DTWD2: variants seen among roughly 807,000 people sequenced by gnomAD.
The protein encoded by DTWD2 is tRNA-uridine aminocarboxypropyltransferase 2.
A neutral mutation model predicts 31.8 loss-of-function variants in DTWD2; 39 were observed. The observed-to-expected ratio is 1.22, with a 90% confidence interval of 0.95 to 1.60. The LOEUF (loss-of-function observed/expected upper bound fraction) is 1.60. Among genes scored for constraint, DTWD2 ranks in the 40% most tolerant of loss-of-function variants. The pLI, the probability that DTWD2 is intolerant of heterozygous loss-of-function variation, is 0.00. For missense variants in DTWD2, 515 were observed against 381.5 expected, an observed-to-expected ratio of 1.35 and a Z score of -2.92; for synonymous variants, 180 against 142.8, an observed-to-expected ratio of 1.26 and a Z score of -1.86.
intron 3 of DTWD2, among the ~76,000 whole-genome samples, 184 bp downstream of exon 3, chr5:118,939,012 A>ATTTTG (rs1333370617): frequency 5.9e-5 from 9 of 151,626 alleles, no homozygotes; most frequent in South Asian, 2.1e-4. Context: ...TTTATTTCTG[A>ATTTTG]TTTTGTTTTG....
intron 1 of DTWD2, chr5:118,974,111 G>T (rs569965197): frequency 3.8e-6 from 6 of 1,588,472 alleles, no homozygotes; most frequent in Middle Eastern, 2.3e-4. Context: ...GCAGAAGACC[G>T]ACGAGGATGA....
chr5:118,920,778 GTTA>G (rs1176082877), intron 4 of DTWD2, among the ~76,000 whole-genome samples: 1 of 152,126 alleles, frequency 6.6e-6, no homozygotes. Context: ...ATATCTATGT[GTTA>G]TTGTCAATTT....
intron 4 of DTWD2, among the ~76,000 whole-genome samples, chr5:118,925,269 C>A (rs1401204969): frequency 2.0e-5 from 3 of 151,616 alleles, no homozygotes; most frequent in African/African-American, 7.3e-5. Context: ...TCCAAGTATA[C>A]CAAAAAATAA....
intron 4 of DTWD2, among the ~76,000 whole-genome samples, chr5:118,875,914 G>C (rs759386277): frequency 6.6e-6 from 1 of 152,052 alleles, no homozygotes; most frequent in Non-Finnish European, 1.5e-5. Context: ...TCTTTTCTTC[G>C]CCACATAACA....
Position 118,934,272 on chromosome 5 carries a change from TAAAAAAAAAAAAA to T in DTWD2, c.404+4911_404+4923del, listed in dbSNP as rs397999089. ...CAACATAGTGAGACCTTGTCTCCATTAAAAAAAAAAAAAAAAAAAAAAAAAAAAAGCAAAGAAT... is the reference window on the plus strand; with the variant it reads ...CAACATAGTGAGACCTTGTCTCCATTAAAAAAAAAAAAAAAAGCAAAGAAT... On this transcript the variant is annotated intron_variant, in intron 3 of 5. Transcript: ENST00000510708. Among the ~76,000 whole-genome samples, 10 of 23,564 alleles carry T rather than the reference TAAAAAAAAAAAAA, an allele frequency of 4.2e-4. No individual in the cohort carries two copies. In the East Asian group the frequency reaches 8.2e-3, roughly 19 times the overall value. 15.5% of individuals were successfully genotyped at this position (23,564 alleles called of 152,430 possible). A position where few individuals can be genotyped will look rare whatever the true frequency, so the allele number is the denominator to read the frequency against.
intron 4 of DTWD2, among the ~76,000 whole-genome samples, chr5:118,877,865 A>G (rs1040242733): frequency 2.0e-4 from 31 of 152,150 alleles, no homozygotes; most frequent in African/African-American, 5.8e-4. Flanking sequence ...CAAAATAAAT[A>G]TGCAAAAATC....
At chr5:118,884,622 G>A (rs1752814297) in intron 4 of DTWD2, among the ~76,000 whole-genome samples, 1 of 152,052 alleles carries the variant, frequency 6.6e-6, no homozygotes, top group African/African-American at 2.4e-5. Context: ...CATATGCATA[G>A]CTTTTTCCTT....
intron 5 of DTWD2, among the ~76,000 whole-genome samples, chr5:118,845,472 T>C (rs1751830225): frequency 6.6e-6 from 1 of 152,234 alleles, no homozygotes; most frequent in Non-Finnish European, 1.5e-5. Flanking sequence ...TCACTATAAA[T>C]TGTGGCTGGA....
At chr5:118,872,189 T>C (rs554300663) in intron 4 of DTWD2, among the ~76,000 whole-genome samples, 24 of 152,362 alleles carry the variant, frequency 1.6e-4, no homozygotes, top group African/African-American at 5.8e-4. Flanking sequence ...ATAGCTGGTT[T>C]GATCTTCTAT....
At chr5:118,941,956 T>A (rs1217143273) in intron 2 of DTWD2, among the ~76,000 whole-genome samples, 1 of 152,262 alleles carries the variant, frequency 6.6e-6, no homozygotes, top group Non-Finnish European at 1.5e-5. Context: ...TTCATGTGTC[T>A]GTTGGCTGCA....
At chr5:118,847,706 G>A (rs1751891506) in intron 5 of DTWD2, among the ~76,000 whole-genome samples, 1 of 151,594 alleles carries the variant, frequency 6.6e-6, no homozygotes, top group South Asian at 2.1e-4. Flanking sequence ...AAATAAAAAT[G>A]TTGCTATAGA....
chr5:118,976,017 G>A (rs1718516835), intron 1 of DTWD2, among the ~76,000 whole-genome samples: 1 of 152,160 alleles, frequency 6.6e-6, no homozygotes, highest in Admixed American at 6.5e-5. Context: ...AATCAAATTA[G>A]AACTCAGAAT....
chr5:118,943,956 G>C (rs1182593105), intron 2 of DTWD2, among the ~76,000 whole-genome samples: 3 of 152,150 alleles, frequency 2.0e-5, no homozygotes, highest in East Asian at 3.8e-4. Flanking sequence ...TATGCATTGA[G>C]TAGCTTTGTA....
At chr5:118,979,269 A>C (rs1045185977) in intron 1 of DTWD2, among the ~76,000 whole-genome samples, 11 of 152,078 alleles carry the variant, frequency 7.2e-5, no homozygotes, top group Non-Finnish European at 1.6e-4. Context: ...GTGCCACTGC[A>C]CTCCAGCCTG....
At chr5:118,933,206 G>A (rs1244688426) in intron 3 of DTWD2, among the ~76,000 whole-genome samples, 1 of 152,118 alleles carries the variant, frequency 6.6e-6, no homozygotes, top group African/African-American at 2.4e-5. Context: ...CCAGGCCCAG[G>A]TGGTTTCAGC....
At chr5:118,948,405 C>T (rs969594748) in intron 1 of DTWD2, among the ~76,000 whole-genome samples, 2 of 152,050 alleles carry the variant, frequency 1.3e-5, no homozygotes, top group Admixed American at 6.6e-5. Context: ...GGCATGAACC[C>T]GGGAGGCGGA....
chr5:118,909,003 T>A (rs922362116), intron 4 of DTWD2, among the ~76,000 whole-genome samples: 1 of 152,208 alleles, frequency 6.6e-6, no homozygotes, highest in East Asian at 1.9e-4. Flanking sequence ...TCATTTTTCC[T>A]GAATGAAGCC....
chr5:118,871,026 T>C (rs954663832), intron 4 of DTWD2, among the ~76,000 whole-genome samples: 1 of 151,622 alleles, frequency 6.6e-6, no homozygotes, highest in Non-Finnish European at 1.5e-5. Flanking sequence ...TTCCAAATCT[T>C]ACATAATATT....
In DTWD2 at chr5:118,924,474, T is replaced by A. The variant is rs17144818; in HGVS notation, c.597+4063A>T. 4.1e-3 allele frequency among the ~76,000 whole-genome samples: 624 copies of A among 152,312 alleles called. 8 individuals are homozygous for A. The highest frequency in any genetic ancestry group is 0.03 in the East Asian group (153 of 5,186). On this transcript the variant is annotated intron_variant, in intron 4 of 5. Coordinates refer to ENST00000510708, the MANE Select transcript of DTWD2 (RefSeq NM_173666.4). ...CTGTCAGTTACCCATGAAAGGGGCATGTTAACTTATTTGTATCCATCTACT... is the reference window on the plus strand; with the variant it reads ...CTGTCAGTTACCCATGAAAGGGGCAAGTTAACTTATTTGTATCCATCTACT...
Sources: allele counts gnomAD v4.1 joint callset (sites outside exome capture counted in the v4.1 genomes callset), GRCh38; gene constraint gnomAD v4.1.1; transcripts MANE v1.5; gene names NCBI Gene and HGNC (gene_info 2026-07-23, HGNC 2026-07-21).